Variants in TMC1 observed in about 807,000 individuals in gnomAD.
TMC1 encodes transmembrane channel like 1.
Under a neutral mutation model 105.8 loss-of-function variants are expected in TMC1, and 84 were observed. That is an observed-to-expected ratio of 0.79 (90% CI 0.67 to 0.95). TMC1 has a LOEUF of 0.95. TMC1 is among the 40% of genes least tolerant of loss of function. The pLI is 0.00. For synonymous variants in TMC1, 315 were observed against 311.5 expected, an observed-to-expected ratio of 1.01 and a Z score of -0.12; for missense variants, 817 against 914.1, an observed-to-expected ratio of 0.89 and a Z score of 1.37.
intron 5 of TMC1, among the ~76,000 whole-genome samples, chr9:72,685,415 GAGC>G (rs1826364510): frequency 6.8e-6 from 1 of 147,558 alleles, no homozygotes; most frequent in Admixed American, 6.8e-5. Context: ...CCAGGCTGGA[GAGC>G]AGTGGCACAA....
rs879459521 is a variant in TMC1, at chr9:72,755,112, GAGAA to G, written c.741+250_741+253del. On this transcript the variant is annotated intron_variant, in intron 12 of 23. Transcript: ENST00000297784. ...AGAGAGAGAGAAAGAAAGAAAGAAA[GAGAA>G]AGAAAGAAAGAAAGAAAGAAACATG... 8.5e-3 allele frequency among the ~76,000 whole-genome samples: 1,281 copies of G among 150,736 alleles called. 15 individuals carry two copies. Among genetic ancestry groups the G allele is most frequent in the Middle Eastern group, 0.014 (4 of 286 alleles).
rs148049897 is a variant in TMC1, at chr9:72,800,235, C to T, written c.1567-5147C>T. Among the ~76,000 whole-genome samples, 729 of 152,252 alleles carry T rather than the reference C, an allele frequency of 4.8e-3. 5 individuals are homozygous for T. Among genetic ancestry groups the T allele is most frequent in the African/African-American group, 0.015 (644 of 41,560 alleles). On this transcript the variant is annotated intron_variant, in intron 17 of 23. Coordinates refer to ENST00000297784, the MANE Select transcript of TMC1 (RefSeq NM_138691.3). The stretch of plus-strand genomic sequence containing the variant: ...AGTGAAGTCTGGTTGTGGTGCTTAA[C>T]ACGAGTCTGTTTTATCACAACTAAG...
In TMC1 at chr9:72,550,657, CAAA is replaced by C. The variant is rs71493659; in HGVS notation, c.-427-27225_-427-27223del. Among the ~76,000 whole-genome samples, 342 of 61,796 alleles carry C rather than the reference CAAA, an allele frequency of 5.5e-3. 1 individual carries two copies. Among genetic ancestry groups the C allele is most frequent in the African/African-American group, 0.02 (315 of 15,814 alleles). 40.5% of individuals were successfully genotyped at this position (61,796 alleles called of 152,430 possible). Reference sequence around the variant, plus strand: ...TGGGCGACAGAGGGAGACTCCATCTCAAAAAAAAAAAAAAAAAAAAAAGTATGG... The same window carrying C: ...TGGGCGACAGAGGGAGACTCCATCTCAAAAAAAAAAAAAAAAAAAGTATGG... On this transcript the variant is annotated intron_variant, in intron 1 of 23. Coordinates refer to ENST00000297784, the MANE Select transcript of TMC1 (RefSeq NM_138691.3).
intron 4 of TMC1, among the ~76,000 whole-genome samples, chr9:72,640,390 G>C (rs1036530261): frequency 3.9e-5 from 6 of 152,178 alleles, no homozygotes; most frequent in African/African-American, 1.4e-4. Flanking sequence ...CTCATCTCTT[G>C]ATTTAGGCAT....
At chr9:72,824,233 G>C (rs983362798) in intron 20 of TMC1, among the ~76,000 whole-genome samples, 2 of 152,214 alleles carry the variant, frequency 1.3e-5, no homozygotes, top group South Asian at 4.1e-4. Flanking sequence ...AGCCCCAGAG[G>C]GGGTGTTACA....
intron 5 of TMC1, among the ~76,000 whole-genome samples, chr9:72,682,669 A>C (rs1826306704): frequency 1.3e-5 from 2 of 152,194 alleles, no homozygotes; most frequent in African/African-American, 4.8e-5. Context: ...TCAGTTTTGT[A>C]TGCAGTAGCT....
chr9:72,740,129 A>C lies in TMC1; in HGVS notation c.373A>C (p.Lys125Gln), dbSNP rs377607548. 19 of 1,613,492 alleles carry C rather than the reference A, an allele frequency of 1.2e-5. No homozygotes were observed. The East Asian group carries it at 2.2e-4, about 19-fold the overall frequency. Residue 125 changes from lysine (K) to glutamine (Q), a missense_variant, in exon 9 of 24, where the codon AAA becomes CAA. Transcript: ENST00000297784. The part of the protein sequence containing the change: ...KKIEVLKEAK[K>Q]FVSENEGALG... ...TTTTTATTTTCTCAGGGAGGCAAAAAAATTTGTGAGTGAAAATGAAGGGGC... is the reference window on the plus strand; with the variant it reads ...TTTTTATTTTCTCAGGGAGGCAAAACAATTTGTGAGTGAAAATGAAGGGGC...
chr9:72,820,345 C>A (rs924250415), intron 19 of TMC1, among the ~76,000 whole-genome samples: 1 of 152,156 alleles, frequency 6.6e-6, no homozygotes, highest in Non-Finnish European at 1.5e-5. Flanking sequence ...GCAACCTTGA[C>A]CTCCTGTCAT....
chr9:72,549,777 A>AT (rs1823830304), intron 1 of TMC1, among the ~76,000 whole-genome samples: 1 of 151,718 alleles, frequency 6.6e-6, no homozygotes, highest in African/African-American at 2.4e-5. Flanking sequence ...TGCCCGGCTG[A>AT]TTTTTGTATA....
chr9:72,816,470 G>A (rs1828790050), intron 19 of TMC1, among the ~76,000 whole-genome samples: 2 of 152,000 alleles, frequency 1.3e-5, no homozygotes, highest in Admixed American at 1.3e-4. Flanking sequence ...TTTATTTGAG[G>A]ACTATATTTT....
At chr9:72,604,980 A>G (rs1182248609) in intron 2 of TMC1, among the ~76,000 whole-genome samples, 2 of 152,218 alleles carry the variant, frequency 1.3e-5, no homozygotes, top group Non-Finnish European at 2.9e-5. Context: ...AAAATTCTAG[A>G]TGATTTTTAA....
chr9:72,685,915 G>C (rs189920804), intron 5 of TMC1, among the ~76,000 whole-genome samples: 1 of 152,276 alleles, frequency 6.6e-6, no homozygotes, highest in East Asian at 1.9e-4. Context: ...CTTGGTCACT[G>C]TGTTATCCTG....
intron 2 of TMC1, among the ~76,000 whole-genome samples, chr9:72,596,355 C>T (rs1824720159): frequency 6.6e-6 from 1 of 152,012 alleles, no homozygotes; most frequent in African/African-American, 2.4e-5. Context: ...TTCAGTGTTC[C>T]AGTCTTGGAG....
intron 6 of TMC1, among the ~76,000 whole-genome samples, chr9:72,691,845 G>A (rs1331508732): frequency 6.6e-6 from 1 of 152,096 alleles, no homozygotes; most frequent in Non-Finnish European, 1.5e-5. Context: ...TGGAATTCTT[G>A]CCAACTGTGT....
intron 13 of TMC1, among the ~76,000 whole-genome samples, chr9:72,787,998 C>T (rs752555585): frequency 2.0e-5 from 3 of 152,224 alleles, no homozygotes; most frequent in Non-Finnish European, 2.9e-5. Context: ...TAGATTTCAT[C>T]GTATTCTTAA....
chr9:72,606,639 T>C (rs1824917983), intron 2 of TMC1, among the ~76,000 whole-genome samples: 3 of 152,244 alleles, frequency 2.0e-5, no homozygotes, highest in Non-Finnish European at 4.4e-5. Flanking sequence ...TTATTTTTTC[T>C]TGGATTGAGT....
chr9:72,742,806 T>A (rs1331968055), intron 10 of TMC1, among the ~76,000 whole-genome samples: 1 of 152,224 alleles, frequency 6.6e-6, no homozygotes, highest in East Asian at 1.9e-4. Context: ...TACAGGGAAG[T>A]CACTATTGTG....
chr9:72,748,726 T>A (rs1434045613), intron 10 of TMC1, among the ~76,000 whole-genome samples: 1 of 152,166 alleles, frequency 6.6e-6, no homozygotes, highest in African/African-American at 2.4e-5. Context: ...TTCTTTTTTG[T>A]TTTTGTGTTG....
chr9:72,754,762 T>C, intron 11 of TMC1, 24 bp from the exon 12 acceptor site: 1 of 1,567,858 alleles, frequency 6.4e-7, no homozygotes, highest in Non-Finnish European at 8.8e-7. Context: ...AATTGTTCAC[T>C]GCTTTCTTTG....
Sources: gnomAD v4.1 joint callset for allele counts (sites outside exome capture counted in the v4.1 genomes callset) on GRCh38, gnomAD v4.1.1 for gene constraint, MANE v1.5 for transcripts, NCBI Gene and HGNC (gene_info 2026-07-23, HGNC 2026-07-21) for gene names.